The following MYOM1 variants were observed in gnomAD, a reference collection of about 807,000 sequenced individuals.
The protein encoded by MYOM1 is myomesin-1.
MYOM1 carries 164 observed loss-of-function variants against 205.3 expected under a neutral mutation model. The observed-to-expected ratio is 0.80, with a 90% confidence interval of 0.70 to 0.91. The LOEUF (loss-of-function observed/expected upper bound fraction) is 0.91. MYOM1 is among the 40% of genes least tolerant of loss of function. MYOM1 has a pLI of 0.00. For synonymous variants in MYOM1, 772 were observed against 789.4 expected, an observed-to-expected ratio of 0.98 and a Z score of 0.37; for missense variants, 2,011 against 2,127.3, an observed-to-expected ratio of 0.95 and a Z score of 1.08.
chr18:3,174,266 C>G, intron 6 of MYOM1, 58 bp from the exon 7 acceptor site: 1 of 1,464,296 alleles, frequency 6.8e-7, no homozygotes. Context: ...TAATTACTAG[C>G]TGTTCTATCA....
chr18:3,182,230 A>C (rs1279623772), intron 5 of MYOM1, among the ~76,000 whole-genome samples: 1 of 151,096 alleles, frequency 6.6e-6, no homozygotes, highest in East Asian at 2.0e-4. Flanking sequence ...AATTCAATCT[A>C]GGCTTCAGGC....
chr18:3,231,438 C>T, the MYOM1 span, among the ~76,000 whole-genome samples: 1 of 152,024 alleles, frequency 6.6e-6, no homozygotes, highest in South Asian at 2.1e-4. Context: ...ACATTTGGCC[C>T]ATGAAACCCT....
At chr18:3,071,614 C>T (rs2078959512) in intron 37 of MYOM1, among the ~76,000 whole-genome samples, 1 of 152,232 alleles carries the variant, frequency 6.6e-6, no homozygotes, top group African/African-American at 2.4e-5. Flanking sequence ...CCGCCTCAGC[C>T]TCCCAGTGTT....
chr18:3,133,135 G>A (rs545051710), intron 16 of MYOM1, among the ~76,000 whole-genome samples: 6 of 152,104 alleles, frequency 3.9e-5, no homozygotes, highest in South Asian at 4.2e-4. Flanking sequence ...CAGCATTTCT[G>A]AATAGTCCCA....
intron 33 of MYOM1, among the ~76,000 whole-genome samples, chr18:3,080,169 G>T (rs960318980): frequency 6.6e-6 from 1 of 151,950 alleles, no homozygotes; most frequent in Non-Finnish European, 1.5e-5. Context: ...TTAAAAAGTG[G>T]TATATAAAAT....
rs563036294 is a variant in MYOM1, at chr18:3,189,105, C to T, written c.432-18G>A. The T allele has an allele frequency of 1.4e-5, 23 of 1,600,500 alleles. No individual in the cohort carries two copies. In the African/African-American group the frequency reaches 2.3e-4, roughly 16 times the overall value. On this transcript the variant is annotated intron_variant, in intron 3 of 37. Transcript: ENST00000356443. The surrounding 1 kb of genome is among the most constrained non-coding windows in gnomAD (Gnocchi z 4.8). ...GCTTTTGACTAAAACACAACAATGG[C>T]AAAATGTAGATGTTGTGGATGGCAG...
At chr18:3,106,198 G>C (rs1410506460) in intron 22 of MYOM1, among the ~76,000 whole-genome samples, 1 of 152,186 alleles carries the variant, frequency 6.6e-6, no homozygotes, top group Non-Finnish European at 1.5e-5. Context: ...GAAGGGTCTT[G>C]AGTGTTCCTG....
intron 5 of MYOM1, among the ~76,000 whole-genome samples, chr18:3,183,182 G>A (rs527648786): frequency 6.6e-6 from 1 of 152,250 alleles, no homozygotes; most frequent in East Asian, 1.9e-4. Context: ...GCCCGACTCG[G>A]CCTCCCAAAG....
intron 20 of MYOM1, among the ~76,000 whole-genome samples, chr18:3,119,372 A>G (rs998012575): frequency 6.6e-6 from 1 of 152,196 alleles, no homozygotes; most frequent in African/African-American, 2.4e-5. Context: ...AGGGAGAAGG[A>G]GAGCCTAAGA....
chr18:3,070,947 T>C (rs1032866012), intron 37 of MYOM1, among the ~76,000 whole-genome samples: 1 of 151,924 alleles, frequency 6.6e-6, no homozygotes, highest in Non-Finnish European at 1.5e-5. Flanking sequence ...TTTGTAGAGA[T>C]GGGGTTTCGT....
intron 2 of MYOM1, among the ~76,000 whole-genome samples, chr18:3,199,683 T>C (rs773812882): frequency 5.9e-5 from 9 of 152,042 alleles, no homozygotes; most frequent in African/African-American, 9.7e-5. Context: ...CTACTAAAAA[T>C]ACAAAAATTA....
chr18:3,083,099 G>C (rs756297443), intron 33 of MYOM1, among the ~76,000 whole-genome samples: 9 of 152,222 alleles, frequency 5.9e-5, no homozygotes, highest in Non-Finnish European at 1.3e-4. Flanking sequence ...CCAGATGCCT[G>C]GCACAGCAGA....
At chr18:3,214,793 T>C (rs910987019) in intron 2 of MYOM1, 141 bp downstream of exon 2, 17 of 950,908 alleles carry the variant, frequency 1.8e-5, no homozygotes, top group Non-Finnish European at 2.6e-5. Context: ...GCCATTGCAC[T>C]CCAGCCTGGG....
chr18:3,149,595 T>G (rs1270149819), intron 12 of MYOM1, among the ~76,000 whole-genome samples: 1 of 152,204 alleles, frequency 6.6e-6, no homozygotes, highest in Non-Finnish European at 1.5e-5. Flanking sequence ...AGCCCAGTAG[T>G]TATTTATTGT....
At chr18:3,120,024 G>A (rs1298399877) in intron 19 of MYOM1, 29 bp from the exon 20 acceptor site, 4 of 1,540,194 alleles carry the variant, frequency 2.6e-6, no homozygotes, top group Non-Finnish European at 3.5e-6. Context: ...CACAGATACT[G>A]AATGTTCCAG....
At chr18:3,232,356 G>A in the MYOM1 span, among the ~76,000 whole-genome samples, 76,740 of 151,644 alleles carry the variant, frequency 0.51, 21,148 homozygotes, top group African/African-American at 0.73. Flanking sequence ...AGAACCATCC[G>A]TCATATAATC....
chr18:3,193,663 T>C (rs538164078), intron 3 of MYOM1, among the ~76,000 whole-genome samples, 155 bp downstream of exon 3: 17 of 152,316 alleles, frequency 1.1e-4, no homozygotes, highest in Non-Finnish European at 2.1e-4. Context: ...TAATAAAAGG[T>C]TAGCTGCTTT....
intron 5 of MYOM1, among the ~76,000 whole-genome samples, chr18:3,181,522 T>C (rs920037207): frequency 4.6e-5 from 7 of 152,202 alleles, no homozygotes; most frequent in African/African-American, 1.7e-4. Context: ...AATTTGAATA[T>C]GTGATTAATA....
At chr18:3,134,228 C>G (rs1022876742) in intron 16 of MYOM1, among the ~76,000 whole-genome samples, 6 of 152,080 alleles carry the variant, frequency 3.9e-5, no homozygotes, top group Non-Finnish European at 7.4e-5. Context: ...CCTATGCTGT[C>G]CAGGCTGGCA....
Sources: allele counts gnomAD v4.1 joint callset (sites outside exome capture counted in the v4.1 genomes callset), GRCh38; gene constraint gnomAD v4.1.1; non-coding constraint Gnocchi (gnomAD v3.1); transcripts MANE v1.5; gene names NCBI Gene and HGNC (gene_info 2026-07-23, HGNC 2026-07-21).